Variants in DDI2 observed in about 807,000 individuals in gnomAD.
The protein encoded by DDI2 is DDI proteasomal shuttling factor 2.
A neutral mutation model predicts 48.1 loss-of-function variants in DDI2; 5 were observed. The ratio of observed to expected loss-of-function variants is 0.10; its 90% CI spans 0.05 to 0.22. The LOEUF (loss-of-function observed/expected upper bound fraction) is 0.22, where lower values mean the gene tolerates loss of function less well. Among genes scored for constraint, DDI2 ranks in the 10% least tolerant of loss-of-function variants. The pLI is 1.00. For missense variants in DDI2, 285 were observed against 506.2 expected (o/e 0.56, Z 4.19); for synonymous variants, 205 against 183.6 (o/e 1.12, Z -0.94).
At chr1:15,653,501 G>A (rs925783781) in intron 8 of DDI2, among the ~76,000 whole-genome samples, 3 of 151,666 alleles carry the variant, frequency 2.0e-5, no homozygotes, top group African/African-American at 4.8e-5. Context: ...TAACTTCACC[G>A]AAGACAGAAG....
chr1:15,665,774 T>A lies in DDI2; in HGVS notation c.*5984T>A, dbSNP rs1640443735. 1 of 152,222 alleles carries A rather than the reference T, an allele frequency of 6.6e-6. No individual in the cohort carries two copies. The highest frequency in any genetic ancestry group is 1.5e-5 in the Non-Finnish European group (1 of 68,036). 9.4% of individuals were successfully genotyped at this position (152,222 alleles called of 1,614,324 possible). A position where few individuals can be genotyped will look rare whatever the true frequency, so the allele number is the denominator to read the frequency against. Reference sequence around the variant, plus strand: ...CTTGCAAATCATCGGCCAGAAAAGCTGCAGGGCGTTGCAATGGCCTTTTCC... The same window carrying A: ...CTTGCAAATCATCGGCCAGAAAAGCAGCAGGGCGTTGCAATGGCCTTTTCC... On this transcript the variant is annotated 3_prime_UTR_variant, in exon 10 of 10. Transcript: ENST00000480945.
Position 15,633,347 on chromosome 1 carries a change from G to A in DDI2, c.506-92G>A, listed in dbSNP as rs1267017397. On this transcript the variant is annotated intron_variant, in intron 3 of 9. Coordinates refer to ENST00000480945, the MANE Select transcript of DDI2 (RefSeq NM_032341.5). Reference sequence around the variant, plus strand: ...AGGCATCCTCTCTGCATCTCTTACAGATGTAGTTTGATAAATTGTTTGGTG... The same window carrying A: ...AGGCATCCTCTCTGCATCTCTTACAAATGTAGTTTGATAAATTGTTTGGTG... 2.8e-6 allele frequency: 4 copies of A among 1,452,028 alleles called. No individual in the cohort carries two copies. The East Asian group carries it at 9.4e-5, about 34-fold the overall frequency. The allele number at this position is 1,452,028 out of a possible 1,614,324, so 89.9% of individuals were successfully genotyped here. A position where few individuals can be genotyped will look rare whatever the true frequency, so the allele number is the denominator to read the frequency against.
chr1:15,627,148 A>G (rs1455610878), intron 2 of DDI2: 4 of 188,906 alleles, frequency 2.1e-5, no homozygotes, highest in Admixed American at 1.1e-4. Context: ...ACATAAGCCT[A>G]TGATTTTGCT....
chr1:15,654,864 T>A (rs1640247773), intron 8 of DDI2, among the ~76,000 whole-genome samples: 1 of 152,058 alleles, frequency 6.6e-6, no homozygotes, highest in South Asian at 2.1e-4. Context: ...GTTTTGCATT[T>A]GGGGTGTAAT....
chr1:15,621,017 C>G (rs1639651777), intron 1 of DDI2, among the ~76,000 whole-genome samples: 3 of 152,104 alleles, frequency 2.0e-5, no homozygotes, highest in Non-Finnish European at 4.4e-5. Context: ...TTTAACAGCT[C>G]TAGTCTGATG....
intron 7 of DDI2, among the ~76,000 whole-genome samples, chr1:15,650,722 C>A (rs1197057910): frequency 1.3e-5 from 2 of 152,086 alleles, no homozygotes; most frequent in Non-Finnish European, 2.9e-5. Context: ...AGCAAAACCA[C>A]ATCTCAAAAA....
chr1:15,639,565 G>A (rs1459344284), intron 5 of DDI2, among the ~76,000 whole-genome samples: 2 of 152,118 alleles, frequency 1.3e-5, no homozygotes, highest in Admixed American at 6.6e-5. Flanking sequence ...CTGGGCTCAA[G>A]TGATCCTCCA....
intron 3 of DDI2, among the ~76,000 whole-genome samples, chr1:15,632,649 G>A (rs1639863499): frequency 6.6e-6 from 1 of 152,102 alleles, no homozygotes; most frequent in Non-Finnish European, 1.5e-5. Context: ...CAAAATATAG[G>A]TAGACTAAAA....
chr1:15,647,778 A>G (rs906406507), intron 6 of DDI2, among the ~76,000 whole-genome samples: 1 of 152,066 alleles, frequency 6.6e-6, no homozygotes, highest in African/African-American at 2.4e-5. Context: ...CCTGGGGGCC[A>G]TAGCGAAACC....
In DDI2 at chr1:15,665,695, A is replaced by G. The variant is rs1640442478; in HGVS notation, c.*5905A>G. ...ATATCTACAGACGTACTCTTCACTT[A>G]TGGTGGCTTTTATCCCGCCACATAT... On this transcript the variant is annotated 3_prime_UTR_variant, in exon 10 of 10. Transcript: ENST00000480945. 1 of 152,200 alleles carries G rather than the reference A, an allele frequency of 6.6e-6. No homozygotes were observed. Among genetic ancestry groups the G allele is most frequent in the African/African-American group, 2.4e-5 (1 of 41,452 alleles). 9.4% of individuals were successfully genotyped at this position (152,200 alleles called of 1,614,324 possible). A position where few individuals can be genotyped will look rare whatever the true frequency, so the allele number is the denominator to read the frequency against.
chr1:15,652,450 G>GGGC (rs1640203825), intron 8 of DDI2, among the ~76,000 whole-genome samples: 2 of 18,226 alleles, frequency 1.1e-4, no homozygotes, highest in African/African-American at 3.9e-4. Context: ...AGGCTCCGGA[G>GGGC]GGGGGGGGGG....
intron 1 of DDI2, among the ~76,000 whole-genome samples, chr1:15,620,118 G>C (rs1639634364): frequency 6.6e-6 from 1 of 152,064 alleles, no homozygotes; most frequent in Non-Finnish European, 1.5e-5. Context: ...TCAATGTTTC[G>C]GCATTTACTT....
intron 5 of DDI2, among the ~76,000 whole-genome samples, chr1:15,641,485 A>AG (rs1640006640): frequency 6.6e-6 from 1 of 151,940 alleles, no homozygotes; most frequent in Non-Finnish European, 1.5e-5. Flanking sequence ...AAAAAAAAAA[A>AG]GTGACATTTT....
chr1:15,627,646 T>C (rs953928669), intron 2 of DDI2, among the ~76,000 whole-genome samples: 1 of 152,230 alleles, frequency 6.6e-6, no homozygotes, highest in African/African-American at 2.4e-5. Flanking sequence ...AAGTGGCTCA[T>C]GATCCACAAA....
chr1:15,620,493 A>G (rs1639641633), intron 1 of DDI2, among the ~76,000 whole-genome samples: 1 of 151,836 alleles, frequency 6.6e-6, no homozygotes, highest in African/African-American at 2.4e-5. Context: ...TAGACTGTTT[A>G]ACTCCTCCTC....
intron 5 of DDI2, 31 bp downstream of exon 5, chr1:15,638,465 C>G (rs749009264): frequency 1.9e-6 from 3 of 1,610,876 alleles, no homozygotes; most frequent in Admixed American, 1.7e-5. Context: ...TTCTTGGTCT[C>G]CCCTCCAACA....
chr1:15,633,738 G>T (rs895735738), intron 4 of DDI2, 173 bp downstream of exon 4: 16 of 948,524 alleles, frequency 1.7e-5, no homozygotes, highest in Non-Finnish European at 2.6e-5. Context: ...TATGCATTTC[G>T]ATTTGACATG....
At chr1:15,621,340 T>C (rs1470806674) in intron 1 of DDI2, among the ~76,000 whole-genome samples, 1 of 152,068 alleles carries the variant, frequency 6.6e-6, no homozygotes, top group East Asian at 1.9e-4. Context: ...AATTGTATGA[T>C]CTTGGAAATG....
In DDI2 at chr1:15,662,529, G is replaced by A. The variant is rs1340947117; in HGVS notation, c.*2739G>A. 1 of 152,182 alleles carries A rather than the reference G, an allele frequency of 6.6e-6. No homozygotes were observed. Among genetic ancestry groups the A allele is most frequent in the African/African-American group, 2.4e-5 (1 of 41,434 alleles). 9.4% of individuals were successfully genotyped at this position (152,182 alleles called of 1,614,324 possible). ...TCCATTTGCAGATGTCAAGAACTGT[G>A]AGGGAAAAATAATGGCCTAAACACT... On this transcript the variant is annotated 3_prime_UTR_variant, in exon 10 of 10. Coordinates refer to ENST00000480945, the MANE Select transcript of DDI2 (RefSeq NM_032341.5).
Sources: gnomAD v4.1 joint callset for allele counts (sites outside exome capture counted in the v4.1 genomes callset) on GRCh38, gnomAD v4.1.1 for gene constraint, MANE v1.5 for transcripts, NCBI Gene and HGNC (gene_info 2026-07-23, HGNC 2026-07-21) for gene names.